Variants in SNCG observed in about 807,000 individuals in gnomAD.
SNCG encodes gamma-synuclein.
In SNCG, 13 loss-of-function variants were observed where a neutral mutation model predicts 16.0. That is an observed-to-expected ratio of 0.81 (90% CI 0.53 to 1.29). The LOEUF (loss-of-function observed/expected upper bound fraction) is 1.29. SNCG is among the 50% of genes most tolerant of loss of function. The pLI is 0.00. For synonymous variants in SNCG, 66 were observed against 66.3 expected, an observed-to-expected ratio of 1.00 and a Z score of 0.02; for missense variants, 154 against 168.5, an observed-to-expected ratio of 0.91 and a Z score of 0.48.
Position 86,958,824 on chromosome 10 carries a change from T to C in SNCG, c.121+6T>C. ...GGAGGGGGTCATGTATGTGGGTAAG[T>C]GGGGCATGGCAGGGTGGGACAGTGT... is the stretch of plus-strand genomic sequence containing the variant. On this transcript the variant is annotated splice_donor_region_variant and intron_variant, in intron 1 of 4. Transcript: ENST00000372017. 6.2e-7 allele frequency: 1 copy of C among 1,601,030 alleles called. No homozygotes were observed. Among genetic ancestry groups the C allele is most frequent in the South Asian group, 1.1e-5 (1 of 88,480 alleles).
intron 3 of SNCG, 145 bp from the exon 4 acceptor site, chr10:86,962,459 A>G (rs1844370214): frequency 1.7e-6 from 1 of 579,334 alleles, no homozygotes; most frequent in Non-Finnish European, 3.1e-6. Flanking sequence ...CACGCCCCCA[A>G]TACCTCCAGC....
rs763453047 is a variant in SNCG, at chr10:86,963,010, C to T, written c.*25C>T. 1 of 1,597,130 alleles carries T rather than the reference C, an allele frequency of 6.3e-7. No individual in the cohort carries two copies. The highest frequency in any genetic ancestry group is 1.1e-5 in the South Asian group (1 of 87,478). ...GAGGGCTACAGGCCAGCGTGGATGA[C>T]CTGAAGAGCGCTCCTCTGCCTTGGA... On this transcript the variant is annotated 3_prime_UTR_variant, in exon 5 of 5. Coordinates refer to ENST00000372017, the MANE Select transcript of SNCG (RefSeq NM_003087.3).
intron 3 of SNCG, among the ~76,000 whole-genome samples, 161 bp from the exon 4 acceptor site, chr10:86,962,443 G>A (rs1460412281): frequency 1.3e-5 from 2 of 152,082 alleles, no homozygotes; most frequent in Non-Finnish European, 2.9e-5. Flanking sequence ...GGTATTGTCT[G>A]AATTGCACGC....
At chr10:86,958,502 C>G, upstream of SNCG, 1 of 504,760 alleles carries the variant, frequency 2.0e-6, no homozygotes, top group Non-Finnish European at 3.1e-6. Flanking sequence ...CTCCTTCCCT[C>G]CCTCCCTCCC....
chr10:86,958,147 G>A (rs1844268254), upstream of SNCG: 16 of 985,154 alleles, frequency 1.6e-5, no homozygotes, highest in Non-Finnish European at 1.9e-5. Context: ...GATGCTGGTG[G>A]GTAGCTGCAC....
At chr10:86,960,401 G>A (rs778431043) in intron 3 of SNCG, among the ~76,000 whole-genome samples, 2 of 152,162 alleles carry the variant, frequency 1.3e-5, no homozygotes, top group Non-Finnish European at 2.9e-5. Context: ...CACATCTTCC[G>A]GACGGCTCTC....
chr10:86,960,884 T>C (rs1164884204), intron 3 of SNCG, among the ~76,000 whole-genome samples: 1 of 152,154 alleles, frequency 6.6e-6, no homozygotes, highest in Non-Finnish European at 1.5e-5. Context: ...AGACACAAAA[T>C]CCATGAGACG....
At chr10:86,962,283 C>G (rs1284769696) in intron 3 of SNCG, among the ~76,000 whole-genome samples, 1 of 152,204 alleles carries the variant, frequency 6.6e-6, no homozygotes, top group East Asian at 1.9e-4. Flanking sequence ...TCTGCCCACT[C>G]TAACCCCCAC....
At position 86,959,167 on chromosome 10, in the gene SNCG, CG is replaced by C. The variant is rs1366023212; in HGVS notation, c.121+352del. Among the ~76,000 whole-genome samples the C allele has an allele frequency of 6.6e-6, 1 of 152,130 alleles. No individual in the cohort carries two copies. The highest frequency in any genetic ancestry group is 1.5e-5 in the Non-Finnish European group (1 of 68,000). ...TCAGGTGGCCCCCACCCTCTCCACA[CG>C]GGAGCGGCTACAGCCAGGTCACGGA... On this transcript the variant is annotated intron_variant, in intron 1 of 4. Transcript: ENST00000372017. This position sits in a 1 kb window ranked among gnomAD's most constrained non-coding sequence, Gnocchi z 4.3.
chr10:86,957,536 G>T, upstream of SNCG: 1 of 1,608,406 alleles, frequency 6.2e-7, no homozygotes, highest in Non-Finnish European at 8.5e-7. Context: ...GCAAGCTCAG[G>T]ATCATCTTGG....
Position 86,958,668 on chromosome 10 carries a change from C to T in SNCG, c.-30C>T. The T allele has an allele frequency of 6.2e-7, 1 of 1,613,288 alleles. No homozygotes were observed. The highest frequency in any genetic ancestry group is 8.5e-7 in the Non-Finnish European group (1 of 1,179,832). ...CGCAGGGAGATCCAGCTCCGTCCTG[C>T]CTGCAGCAGCACAACCCTGCACACC... On this transcript the variant is annotated 5_prime_UTR_variant, in exon 1 of 5. Transcript: ENST00000372017.
Position 86,959,364 on chromosome 10 carries a change from CG to C in SNCG, c.122-266del, listed in dbSNP as rs1206920276. ...GCTGCTTCTGAGGCCCGGCCACACC[CG>C]GGCAGGGGCTGGACCCTGGGTCTAG... On this transcript the variant is annotated intron_variant, in intron 1 of 4. Coordinates refer to ENST00000372017, the MANE Select transcript of SNCG (RefSeq NM_003087.3). This position sits in a 1 kb window ranked among gnomAD's most constrained non-coding sequence, Gnocchi z 4.3. 5 of 565,460 alleles carry C rather than the reference CG, an allele frequency of 8.8e-6. No homozygotes were observed. The highest frequency in any genetic ancestry group is 6.1e-5 in the East Asian group (2 of 32,864). 35.0% of individuals were successfully genotyped at this position (565,460 alleles called of 1,614,324 possible). A position where few individuals can be genotyped will look rare whatever the true frequency, so the allele number is the denominator to read the frequency against.
intron 3 of SNCG, among the ~76,000 whole-genome samples, chr10:86,961,502 C>T (rs1368719670): frequency 2.6e-5 from 4 of 152,112 alleles, no homozygotes; most frequent in Non-Finnish European, 5.9e-5. Context: ...GGGGGCTCCT[C>T]CCTCCTCACC....
At chr10:86,957,683 T>C, upstream of SNCG, 1 of 1,320,998 alleles carries the variant, frequency 7.6e-7, no homozygotes, top group South Asian at 1.5e-5. Context: ...TGGGCCGGCC[T>C]ACCCGGTGGG....
chr10:86,958,500 C>CAACCAACCAACCA (rs1844274847), upstream of SNCG: 2 of 1,098,574 alleles, frequency 1.8e-6, no homozygotes, highest in Non-Finnish European at 2.3e-6. Flanking sequence ...ACCTCCTTCC[C>CAACCAACCAACCA]TCCCTCCCTC....
chr10:86,962,578 C>G, intron 3 of SNCG, 26 bp from the exon 4 acceptor site: 1 of 1,576,640 alleles, frequency 6.3e-7, no homozygotes, highest in East Asian at 2.2e-5. Flanking sequence ...TCCACATGGT[C>G]TCATGCCCCC....
chr10:86,960,404 C>T (rs1193070416), intron 3 of SNCG, among the ~76,000 whole-genome samples: 2 of 152,194 alleles, frequency 1.3e-5, no homozygotes, highest in East Asian at 1.9e-4. Flanking sequence ...ATCTTCCGGA[C>T]GGCTCTCAGC....
At position 86,959,945 on chromosome 10, in the gene SNCG, G is replaced by C. The variant is rs527352542; in HGVS notation, c.164-56G>C. ...GGAAGGGGCTGCGAGCCTGACTCCAGCAGGCCTGCCTTGGGGCTGGGGCTG... is the reference window on the plus strand; with the variant it reads ...GGAAGGGGCTGCGAGCCTGACTCCACCAGGCCTGCCTTGGGGCTGGGGCTG... On this transcript the variant is annotated intron_variant, in intron 2 of 4. Transcript: ENST00000372017. The surrounding 1 kb of genome is among the most constrained non-coding windows in gnomAD (Gnocchi z 4.3). 587 of 1,553,794 alleles carry C rather than the reference G, an allele frequency of 3.8e-4. 7 individuals are homozygous for C. In the South Asian group the frequency reaches 6.7e-3, roughly 18 times the overall value.
chr10:86,958,926 G>A (rs938110877), intron 1 of SNCG, 108 bp downstream of exon 1: 2 of 1,246,874 alleles, frequency 1.6e-6, no homozygotes, highest in East Asian at 2.4e-5. Flanking sequence ...TTGGGAGGGG[G>A]CGAGGCCCTG....
Sources: allele counts gnomAD v4.1 joint callset (sites outside exome capture counted in the v4.1 genomes callset), GRCh38; gene constraint gnomAD v4.1.1; non-coding constraint Gnocchi (gnomAD v3.1); transcripts MANE v1.5; gene names NCBI Gene and HGNC (gene_info 2026-07-23, HGNC 2026-07-21).